TM9SF3: variants seen among roughly 807,000 people sequenced by gnomAD.
TM9SF3 encodes SM-11044-binding protein.
TM9SF3 carries 14 observed loss-of-function variants against 78.6 expected under a neutral mutation model. That is an observed-to-expected ratio of 0.18 (90% CI 0.12 to 0.28). The LOEUF is 0.28. Among genes scored for constraint, TM9SF3 ranks in the 10% least tolerant of loss-of-function variants. The pLI, the probability that TM9SF3 is intolerant of heterozygous loss-of-function variation, is 1.00. For missense variants in TM9SF3, 496 were observed against 721.9 expected (o/e 0.69, Z 3.59); for synonymous variants, 231 against 241.7 (o/e 0.96, Z 0.41).
chr10:96,527,626 T>C, intron 12 of TM9SF3, 130 bp from the exon 13 acceptor site: 1 of 655,760 alleles, frequency 1.5e-6, no homozygotes, highest in Non-Finnish European at 2.5e-6. Context: ...AACAAATGCA[T>C]AGACATGGTA....
chr10:96,557,573 A>C (rs1456790096), intron 5 of TM9SF3, among the ~76,000 whole-genome samples: 2 of 152,110 alleles, frequency 1.3e-5, no homozygotes, highest in African/African-American at 4.8e-5. Context: ...TTTGCATTTA[A>C]GAGTAAAATC....
chr10:96,526,871 A>T (rs1242293258), intron 14 of TM9SF3, among the ~76,000 whole-genome samples: 4 of 152,084 alleles, frequency 2.6e-5, no homozygotes, highest in African/African-American at 9.7e-5. Context: ...GCCAATTCTC[A>T]AGCCAGGCAC....
chr10:96,521,018 G>A lies in TM9SF3; in HGVS notation c.*1245C>T, dbSNP rs1178686769. 1 of 395,072 alleles carries A rather than the reference G, an allele frequency of 2.5e-6. No homozygotes were observed. The highest frequency in any genetic ancestry group is 3.6e-5 in the East Asian group (1 of 27,940). The allele number at this position is 395,072 out of a possible 1,614,324, so 24.5% of individuals were successfully genotyped here. ...GGAAATTTTATTTGAACATTCTAAA[G>A]CAATAATGCTTTAGATGTTACTTAA... On this transcript the variant is annotated 3_prime_UTR_variant, in exon 15 of 15. Coordinates refer to ENST00000371142, the MANE Select transcript of TM9SF3 (RefSeq NM_020123.4).
intron 8 of TM9SF3, among the ~76,000 whole-genome samples, chr10:96,545,891 A>AAATCAATC (rs10602624): frequency 6.0e-5 from 9 of 150,836 alleles, no homozygotes; most frequent in African/African-American, 2.2e-4. Flanking sequence ...CTCCATCTCA[A>AAATCAATC]AATCAATCAA....
At chr10:96,536,319 G>T (rs1233966384) in intron 9 of TM9SF3, among the ~76,000 whole-genome samples, 1 of 151,976 alleles carries the variant, frequency 6.6e-6, no homozygotes, top group East Asian at 1.9e-4. Context: ...AGTGCAATCA[G>T]ACAACAAAAA....
intron 5 of TM9SF3, among the ~76,000 whole-genome samples, chr10:96,554,129 C>G (rs1028792641): frequency 6.6e-6 from 1 of 152,130 alleles, no homozygotes; most frequent in Non-Finnish European, 1.5e-5. Flanking sequence ...GATGTCTACT[C>G]CCTGGGGTTG....
chr10:96,575,236 G>A (rs891396018), intron 2 of TM9SF3, among the ~76,000 whole-genome samples: 4 of 151,896 alleles, frequency 2.6e-5, no homozygotes, highest in South Asian at 4.2e-4. Context: ...CACCAAATAC[G>A]GAAAAAGAGA....
chr10:96,538,848 TA>T (rs1173766584), intron 9 of TM9SF3, among the ~76,000 whole-genome samples: 1 of 152,158 alleles, frequency 6.6e-6, no homozygotes, highest in East Asian at 1.9e-4. Context: ...TAGCTAAAAT[TA>T]AAAAGACTTA....
At chr10:96,566,479 C>T (rs1848372284) in intron 2 of TM9SF3, among the ~76,000 whole-genome samples, 1 of 152,112 alleles carries the variant, frequency 6.6e-6, no homozygotes, top group South Asian at 2.1e-4. Flanking sequence ...ATATTATAGA[C>T]CAACCTAAAG....
chr10:96,522,831 C>T (rs889493977), intron 14 of TM9SF3, among the ~76,000 whole-genome samples: 3 of 151,824 alleles, frequency 2.0e-5, no homozygotes, highest in Non-Finnish European at 4.4e-5. Flanking sequence ...TTTCTGACAG[C>T]TTCTTTTTTA....
Position 96,521,071 on chromosome 10 carries a change from A to C in TM9SF3, c.*1192T>G. 5.1e-6 allele frequency: 2 copies of C among 389,704 alleles called. No homozygotes were observed. Among genetic ancestry groups the C allele is most frequent in the East Asian group, 7.2e-5 (2 of 27,750 alleles). 24.1% of individuals were successfully genotyped at this position (389,704 alleles called of 1,614,324 possible). ...GTCCCAGACAGGATTAACAAAATTAAGTGTCTCTAAATTACAAATTTGGCT... is the reference window on the plus strand; with the variant it reads ...GTCCCAGACAGGATTAACAAAATTACGTGTCTCTAAATTACAAATTTGGCT... On this transcript the variant is annotated 3_prime_UTR_variant, in exon 15 of 15. Coordinates refer to ENST00000371142, the MANE Select transcript of TM9SF3 (RefSeq NM_020123.4).
Position 96,586,832 on chromosome 10 carries a change from T to C in TM9SF3, c.4A>G (p.Arg2Gly). 8.2e-7 allele frequency: 1 copy of C among 1,226,126 alleles called. No individual in the cohort carries two copies. Among genetic ancestry groups the C allele is most frequent in the South Asian group, 3.5e-5 (1 of 28,296 alleles). 76.0% of individuals were successfully genotyped at this position (1,226,126 alleles called of 1,614,324 possible). Residue 2 changes from arginine (R) to glycine (G), a missense_variant, in exon 1 of 15, where the codon AGG (arginine) becomes GGG (glycine). Arg to Gly is a moderately radical substitution (Grantham distance 125). This residue lies in a region of TM9SF3 where 58 missense variants were observed against 32.9 expected (regional missense o/e 1.76). Transcript: ENST00000371142. ...ACGCCAAGAGCGCCAGGCAGCGGCC[T>C]CATCCTCCGCGCCCCTCCGGCCCGG... M[R>G]PLPGALGVAA...
Position 96,583,139 on chromosome 10 carries a change from G to A in TM9SF3, c.102+3595C>T, listed in dbSNP as rs140782050. Among the ~76,000 whole-genome samples, 388 of 151,950 alleles carry A rather than the reference G, an allele frequency of 2.6e-3. 6 individuals are homozygous for A. Among genetic ancestry groups the A allele is most frequent in the African/African-American group, 8.9e-3 (369 of 41,474 alleles). On this transcript the variant is annotated intron_variant, in intron 1 of 14. Transcript: ENST00000371142. The stretch of plus-strand genomic sequence containing the variant: ...AGAAAAAGAAAAAAAAATACCATAT[G>A]GGTCAGATGGCCACCTGAATCCTAA...
At chr10:96,560,543 G>A (rs1376361029) in intron 4 of TM9SF3, 1 of 704,942 alleles carries the variant, frequency 1.4e-6, no homozygotes. Flanking sequence ...TAGCTGTGGA[G>A]GAAGATGCAG....
intron 9 of TM9SF3, among the ~76,000 whole-genome samples, chr10:96,535,281 T>G (rs1390039170): frequency 6.6e-6 from 1 of 152,236 alleles, no homozygotes; most frequent in African/African-American, 2.4e-5. Context: ...GTTCAAGTTC[T>G]GGATGAAGTT....
intron 2 of TM9SF3, among the ~76,000 whole-genome samples, chr10:96,570,212 T>A (rs569589197): frequency 1.3e-5 from 2 of 152,382 alleles, no homozygotes; most frequent in East Asian, 3.9e-4. Context: ...GTCCGGCACA[T>A]AATATGCACT....
In TM9SF3 at chr10:96,586,801, G is replaced by A. The variant is rs1212200668; in HGVS notation, c.35C>T (p.Ala12Val). 140 of 1,276,208 alleles carry A rather than the reference G, an allele frequency of 1.1e-4. No homozygotes were observed. Among genetic ancestry groups the A allele is most frequent in the Non-Finnish European group, 1.4e-4 (137 of 1,009,678 alleles). The allele number at this position is 1,276,208 out of a possible 1,614,324, so 79.1% of individuals were successfully genotyped here. Reference protein sequence around the residue: ...RPLPGALGVAAAAALWLLLLL... With the variant: ...RPLPGALGVAVAAALWLLLLL... ...CAGCAGCAGCCACAGCGCGGCGGCC[G>A]CCGCCACGCCAAGAGCGCCAGGCAG... The change falls in exon 1 of 15, where the codon GCG becomes GTG. Residue 12 changes from alanine to valine, a missense_variant. This residue lies in a region of TM9SF3 where 58 missense variants were observed against 32.9 expected (regional missense o/e 1.76). Transcript: ENST00000371142.
chr10:96,528,217 T>G (rs772588992), intron 11 of TM9SF3, 40 bp from the exon 12 acceptor site: 2 of 1,566,744 alleles, frequency 1.3e-6, no homozygotes, highest in Non-Finnish European at 1.7e-6. Context: ...CCAGTCTTTA[T>G]TCTTAAAGCT....
rs769273178 is a variant in TM9SF3, at chr10:96,533,068, A to G, written c.1308T>C (p.Pro436=). The change falls in exon 10 of 15, where the codon CCT becomes CCC. Residue 436 remains proline, a synonymous_variant. Coordinates refer to ENST00000371142, the MANE Select transcript of TM9SF3 (RefSeq NM_020123.4). The part of the protein sequence containing the change: ...FPCRVNAVPR[P]IPEKKWFMEP... ...CTCTTTACCATTTTTTCTCCGGTAT[A>G]GGACGAGGCACAGCATTGACACGAC... 3 of 1,613,958 alleles carry G rather than the reference A, an allele frequency of 1.9e-6. No homozygotes were observed. The highest frequency in any genetic ancestry group is 1.3e-5 in the African/African-American group (1 of 74,928).
Sources: gnomAD v4.1 joint callset for allele counts (sites outside exome capture counted in the v4.1 genomes callset) on GRCh38, gnomAD v4.1.1 for gene constraint, gnomAD v4.1.1 regional missense constraint, MANE v1.5 for transcripts, NCBI Gene and HGNC (gene_info 2026-07-23, HGNC 2026-07-21) for gene names.